Variants in CUL9 observed in about 807,000 individuals in gnomAD.
CUL9 encodes the protein cullin-9.
In CUL9, 79 loss-of-function variants were observed where a neutral mutation model predicts 272.6. That is an observed-to-expected ratio of 0.29 (90% CI 0.24 to 0.35). The LOEUF is 0.35. Among genes scored for constraint, CUL9 ranks in the 10% least tolerant of loss-of-function variants. The pLI is 1.00. For missense variants in CUL9, 2,532 were observed against 3,255.6 expected, an observed-to-expected ratio of 0.78 and a Z score of 5.41; for synonymous variants, 1,186 against 1,286.5, an observed-to-expected ratio of 0.92 and a Z score of 1.67.
Position 43,205,173 on chromosome 6 carries a change from C to A in CUL9, c.4632+58C>A. Reference sequence around the variant, plus strand: ...GCTTGTGTTCCAAGTTCATCTCTTTCTGCTCTGCCCTTTCACCTCCTTTCG... The same window carrying A: ...GCTTGTGTTCCAAGTTCATCTCTTTATGCTCTGCCCTTTCACCTCCTTTCG... On this transcript the variant is annotated intron_variant, in intron 23 of 40. Transcript: ENST00000252050. The A allele has an allele frequency of 3.8e-6, 6 of 1,579,526 alleles. No homozygotes were observed. In the South Asian group the frequency reaches 6.9e-5, roughly 18 times the overall value.
At chr6:43,215,938 ATTTTG>A (rs2150629119) in intron 30 of CUL9, among the ~76,000 whole-genome samples, 1 of 152,190 alleles carries the variant, frequency 6.6e-6, no homozygotes, top group East Asian at 1.9e-4. Context: ...CTAGATACCT[ATTTTG>A]TCCCCAGTCA....
chr6:43,212,960 G>A lies in CUL9; in HGVS notation c.5213-189G>A, dbSNP rs371580101. 7.4e-4 allele frequency: 459 copies of A among 623,876 alleles called. 1 individual carries two copies. The highest frequency in any genetic ancestry group is 1.9e-3 in the South Asian group (92 of 49,490). 38.6% of individuals were successfully genotyped at this position (623,876 alleles called of 1,614,324 possible). The stretch of plus-strand genomic sequence containing the variant: ...TCTAGGGATGGGCTCCTAGATACCC[G>A]TGGCTCATCAGGGAGGCAGGCGCAG... On this transcript the variant is annotated intron_variant, in intron 26 of 40. Transcript: ENST00000252050.
chr6:43,193,964 A>T (rs887061406), intron 9 of CUL9, among the ~76,000 whole-genome samples: 3 of 152,210 alleles, frequency 2.0e-5, no homozygotes, highest in African/African-American at 7.2e-5. Flanking sequence ...CTTACATAGA[A>T]AATACTCTGT....
In CUL9 at chr6:43,223,053, A is replaced by T. The variant is rs994767019; in HGVS notation, c.7150+157A>T. The T allele has an allele frequency of 1.1e-5, 10 of 895,018 alleles. No individual in the cohort carries two copies. Among genetic ancestry groups the T allele is most frequent in the Non-Finnish European group, 1.7e-5 (10 of 586,070 alleles). 55.4% of individuals were successfully genotyped at this position (895,018 alleles called of 1,614,324 possible). On this transcript the variant is annotated intron_variant, in intron 38 of 40. Transcript: ENST00000252050. This position sits in a 1 kb window ranked among gnomAD's most constrained non-coding sequence, Gnocchi z 4.1. Reference sequence around the variant, plus strand: ...TCTCACTGCCTGGCTGTTAAAGCTCAGGTCGAAAGCCTACATTGTAAGGTG... The same window carrying T: ...TCTCACTGCCTGGCTGTTAAAGCTCTGGTCGAAAGCCTACATTGTAAGGTG...
rs973074475 is a variant in CUL9 at position 43,214,057 on chromosome 6, C to T, written c.5688+145C>T. ...TTCTGTTCCTGACAGAGCAGATAGA[C>T]AGCAGATAAAGATAAGGCATGAGTG... On this transcript the variant is annotated intron_variant, in intron 29 of 40. Transcript: ENST00000252050. 3.1e-5 allele frequency: 24 copies of T among 781,322 alleles called. No individual in the cohort carries two copies. In the African/African-American group the frequency reaches 4.0e-4, roughly 13 times the overall value. The allele number at this position is 781,322 out of a possible 1,614,324, so 48.4% of individuals were successfully genotyped here. A position where few individuals can be genotyped will look rare whatever the true frequency, so the allele number is the denominator to read the frequency against.
In CUL9 at chr6:43,220,196, C is replaced by T. The variant is rs571995147; in HGVS notation, c.6283-263C>T. Reference sequence around the variant, plus strand: ...TTTTTCTTAATTATTTTTACCCATTCCCTCCTTGTCCATCCCAACAGTAAT... The same window carrying T: ...TTTTTCTTAATTATTTTTACCCATTTCCTCCTTGTCCATCCCAACAGTAAT... On this transcript the variant is annotated intron_variant, in intron 31 of 40. Transcript: ENST00000252050. The surrounding 1 kb of genome is among the most constrained non-coding windows in gnomAD (Gnocchi z 4.9). 6.4e-3 allele frequency among the ~76,000 whole-genome samples: 974 copies of T among 152,306 alleles called. 8 individuals carry two copies. Among genetic ancestry groups the T allele is most frequent in the Non-Finnish European group, 0.011 (761 of 68,028 alleles).
At chr6:43,186,580 C>A in intron 4 of CUL9, 125 bp downstream of exon 4, 1 of 1,362,902 alleles carries the variant, frequency 7.3e-7, no homozygotes, top group Non-Finnish European at 9.8e-7. Flanking sequence ...TGGAATGATA[C>A]AAGGGGGTTG....
rs1486744963 is a variant in CUL9, at chr6:43,196,673, C to T, written c.2614C>T (p.Leu872Phe). 3.1e-6 allele frequency: 5 copies of T among 1,614,094 alleles called. No homozygotes were observed. Among genetic ancestry groups the T allele is most frequent in the Middle Eastern group, 3.3e-4 (2 of 6,084 alleles). ...GCSSAARNGL[L>F]LLNLLLCNHH... ...CTCTTCTGCAGCGAGAAATGGCTTA[C>T]TCCTGCTCAACCTACTTTTGTGCAA... The change falls in exon 11 of 41, where the codon CTC becomes TTC. Residue 872 changes from leucine to phenylalanine, a missense_variant. Around this residue, in one of 3 missense-constraint regions of CUL9, gnomAD observed 2,218 missense variants for 2,788.6 expected, o/e 0.80. Coordinates refer to ENST00000252050, the MANE Select transcript of CUL9 (RefSeq NM_015089.4).
chr6:43,190,440 T>C (rs1311421787), intron 8 of CUL9, among the ~76,000 whole-genome samples: 1 of 152,130 alleles, frequency 6.6e-6, no homozygotes, highest in Non-Finnish European at 1.5e-5. Flanking sequence ...TTTTTAAAAA[T>C]CATCTTAGCT....
rs531587512 is a variant in CUL9, at chr6:43,196,505, G to T, written c.2586-140G>T. 1.4e-5 allele frequency: 12 copies of T among 882,598 alleles called. No individual in the cohort carries two copies. The East Asian group carries it at 2.9e-4, about 21-fold the overall frequency. 54.7% of individuals were successfully genotyped at this position (882,598 alleles called of 1,614,324 possible). On this transcript the variant is annotated intron_variant, in intron 10 of 40. Transcript: ENST00000252050. Reference sequence around the variant, plus strand: ...ATGGGTTTGGGAGGAGTGGCCCAAGGTCAGGGGATCAGATGTCCTGGCTCA... The same window carrying T: ...ATGGGTTTGGGAGGAGTGGCCCAAGTTCAGGGGATCAGATGTCCTGGCTCA...
chr6:43,197,156 C>T (rs1327959845), intron 11 of CUL9, among the ~76,000 whole-genome samples: 2 of 152,088 alleles, frequency 1.3e-5, no homozygotes, highest in East Asian at 1.9e-4. Flanking sequence ...AAGCAATTCT[C>T]ATGCCTCAGC....
intron 21 of CUL9, 58 bp from the exon 22 acceptor site, chr6:43,204,690 C>CGGTGT: frequency 6.3e-7 from 1 of 1,597,354 alleles, no homozygotes; most frequent in Non-Finnish European, 8.6e-7. Context: ...TACCCAAGAC[C>CGGTGT]GGTGTACTCA....
Position 43,200,923 on chromosome 6 carries a change from A to T in CUL9, c.3647+89A>T. The T allele has an allele frequency of 4.7e-6, 7 of 1,503,656 alleles. No individual in the cohort carries two copies. Among genetic ancestry groups the T allele is most frequent in the Non-Finnish European group, 6.4e-6 (7 of 1,089,148 alleles). 93.1% of individuals were successfully genotyped at this position (1,503,656 alleles called of 1,614,324 possible). A position where few individuals can be genotyped will look rare whatever the true frequency, so the allele number is the denominator to read the frequency against. ...ACACACAACCCCAGCTATAACCCCAATGCCTGAGGGACACACTCAAACCTA... is the reference window on the plus strand; with the variant it reads ...ACACACAACCCCAGCTATAACCCCATTGCCTGAGGGACACACTCAAACCTA... On this transcript the variant is annotated intron_variant, in intron 16 of 40. Transcript: ENST00000252050. The surrounding 1 kb of genome is among the most constrained non-coding windows in gnomAD (Gnocchi z 4.0).
rs763674954 is a variant in CUL9, at chr6:43,221,819, C to T, written c.6846+41C>T. 48 of 1,562,088 alleles carry T rather than the reference C, an allele frequency of 3.1e-5. 1 individual carries two copies. Among genetic ancestry groups the T allele is most frequent in the Admixed American group, 3.4e-5 (2 of 58,996 alleles). ...CTAGGGGAGGGCAGAGGCCCAGAGC[C>T]GTCGGGGAGGGGTGCTGCTACCAGG... is the stretch of plus-strand genomic sequence containing the variant. On this transcript the variant is annotated intron_variant, in intron 35 of 40. Coordinates refer to ENST00000252050, the MANE Select transcript of CUL9 (RefSeq NM_015089.4). The surrounding 1 kb of genome is among the most constrained non-coding windows in gnomAD (Gnocchi z 4.2).
chr6:43,185,325 A>T, intron 2 of CUL9, 131 bp from the exon 3 acceptor site: 2 of 886,172 alleles, frequency 2.3e-6, no homozygotes, highest in South Asian at 3.5e-5. Flanking sequence ...GTTACCATGT[A>T]AAATGTATTT....
chr6:43,203,178 C>T lies in CUL9; in HGVS notation c.3823C>T (p.Gln1275Ter). ...ENLNRFWPIIQIRIKRCQQGG... is the reference protein window; with the variant it reads ...ENLNRFWPII ...CCTGAACCGCTTCTGGCCCATCATC[C>T]AGATCCGCATAAAGCGCTGCCAGCA... Residue 1275 changes from glutamine (Q) to a stop codon, truncating the protein, a stop_gained, in exon 18 of 41, where the codon CAG becomes TAG. Transcript: ENST00000252050. LOFTEE classifies it high-confidence loss of function. This position sits in a 1 kb window ranked among gnomAD's most constrained non-coding sequence, Gnocchi z 5.0. 6.2e-7 allele frequency: 1 copy of T among 1,614,158 alleles called. No individual in the cohort carries two copies. Among genetic ancestry groups the T allele is most frequent in the Admixed American group, 1.7e-5 (1 of 60,024 alleles).
Position 43,220,938 on chromosome 6 carries a change from C to T in CUL9, c.6588+27C>T. On this transcript the variant is annotated intron_variant, in intron 33 of 40. Transcript: ENST00000252050. This position sits in a 1 kb window ranked among gnomAD's most constrained non-coding sequence, Gnocchi z 4.9. ...TGGGAGCCCCACACTGGCCCTGACC[C>T]TGAGCAAGGATTCACACTCCTTCCC... The T allele has an allele frequency of 6.3e-7, 1 of 1,581,710 alleles. No homozygotes were observed.
chr6:43,196,869 T>C lies in CUL9; in HGVS notation c.2803+7T>C. ...GGCAGCCCTGAGCGTGCAGGTACCA[T>C]TGTGGAGGGGTGGTTTTGCAGAGGA... is the stretch of plus-strand genomic sequence containing the variant. On this transcript the variant is annotated splice_region_variant and intron_variant, in intron 11 of 40. Coordinates refer to ENST00000252050, the MANE Select transcript of CUL9 (RefSeq NM_015089.4). 1 of 1,611,876 alleles carries C rather than the reference T, an allele frequency of 6.2e-7. No homozygotes were observed. The highest frequency in any genetic ancestry group is 8.5e-7 in the Non-Finnish European group (1 of 1,178,458).
chr6:43,213,877 G>A lies in CUL9; in HGVS notation c.5653G>A (p.Glu1885Lys). Reference sequence around the variant, plus strand: ...TGTTCGTATTCTCAAAGCCCATGGGGAAAAGGGCCTCCACATTGATCAGCT... The same window carrying A: ...TGTTCGTATTCTCAAAGCCCATGGGAAAAAGGGCCTCCACATTGATCAGCT... ...LLVRILKAHG[E>K]KGLHIDQLVC... Residue 1885 changes from glutamate (E) to lysine (K), a missense_variant, in exon 29 of 41, where the codon GAA (glutamate) becomes AAA (lysine). Glu to Lys is a moderately conservative substitution (Grantham distance 56). Transcript: ENST00000252050. The surrounding 1 kb of genome is among the most constrained non-coding windows in gnomAD (Gnocchi z 5.7). 1 of 1,614,160 alleles carries A rather than the reference G, an allele frequency of 6.2e-7. No homozygotes were observed. Among genetic ancestry groups the A allele is most frequent in the African/African-American group, 1.3e-5 (1 of 75,058 alleles).
Sources: allele counts gnomAD v4.1 joint callset (sites outside exome capture counted in the v4.1 genomes callset), GRCh38; gene constraint gnomAD v4.1.1; regional missense constraint gnomAD v4.1.1; non-coding constraint Gnocchi (gnomAD v3.1); transcripts MANE v1.5; gene names NCBI Gene and HGNC (gene_info 2026-07-23, HGNC 2026-07-21).